SNX25: variants seen among roughly 807,000 people sequenced by gnomAD.
SNX25 encodes sorting nexin-25.
A neutral mutation model predicts 113.7 loss-of-function variants in SNX25; 62 were observed. That is an observed-to-expected ratio of 0.55 (90% CI 0.44 to 0.67). The LOEUF (loss-of-function observed/expected upper bound fraction) is 0.67. SNX25 is among the 30% of genes least tolerant of loss of function. SNX25 has a pLI of 0.00. For synonymous variants in SNX25, 421 were observed against 436.2 expected, an observed-to-expected ratio of 0.97 and a Z score of 0.43; for missense variants, 1,014 against 1,161.0, an observed-to-expected ratio of 0.87 and a Z score of 1.84.
At chr4:185,268,958 G>A (rs3112867) in intron 5 of SNX25, among the ~76,000 whole-genome samples, 64,477 of 151,968 alleles carry the variant, frequency 0.42, 13,833 homozygotes, top group East Asian at 0.57. Flanking sequence ...TATATCTGAT[G>A]TAATATCTGG....
chr4:185,259,764 G>A (rs936675526), intron 3 of SNX25, among the ~76,000 whole-genome samples: 2 of 151,880 alleles, frequency 1.3e-5, no homozygotes, highest in African/African-American at 4.9e-5. Flanking sequence ...ATATGGACAC[G>A]GTTGGAACAG....
At chr4:185,324,623 T>A (rs1176874564) in intron 9 of SNX25, among the ~76,000 whole-genome samples, 1 of 152,028 alleles carries the variant, frequency 6.6e-6, no homozygotes, top group African/African-American at 2.4e-5. Flanking sequence ...GGGGAGGGAT[T>A]TATCTTAGGG....
chr4:185,269,853 G>A (rs1644082022), intron 5 of SNX25, among the ~76,000 whole-genome samples: 1 of 152,090 alleles, frequency 6.6e-6, no homozygotes, highest in Non-Finnish European at 1.5e-5. Context: ...GGGACTACAG[G>A]CGAGCTCCTG....
At position 185,320,793 on chromosome 4, in the gene SNX25, A is replaced by G. The variant is rs757292955; in HGVS notation, c.1405A>G (p.Met469Val). The change falls in exon 8 of 19, where the codon ATG (methionine) becomes GTG (valine). Residue 469 changes from methionine to valine, a missense_variant. Physicochemically the swap from Met to Val is conservative, Grantham distance 21. Transcript: ENST00000652585. Reference protein sequence around the residue: ...TFYREHFGMYMERMDKRALIS... With the variant: ...TFYREHFGMYVERMDKRALIS... ...CTACCGAGAGCACTTTGGAATGTAC[A>G]TGGAAAGGATGGACAAAAGAGCTCT... 6.7e-5 allele frequency: 108 copies of G among 1,606,654 alleles called. No homozygotes were observed. The highest frequency in any genetic ancestry group is 8.2e-5 in the Non-Finnish European group (97 of 1,176,678).
Position 185,339,502 on chromosome 4 carries a change from A to C in SNX25, c.2038A>C (p.Ser680Arg). 6.2e-7 allele frequency: 1 copy of C among 1,611,520 alleles called. No individual in the cohort carries two copies. Among genetic ancestry groups the C allele is most frequent in the Non-Finnish European group, 8.5e-7 (1 of 1,178,998 alleles). The change falls in exon 11 of 19, where the codon AGT becomes CGT. Residue 680 changes from serine (S) to arginine (R), a missense_variant. Transcript: ENST00000652585. Reference protein sequence around the residue: ...NLGMWKASITSGEVTEENGEQ... With the variant: ...NLGMWKASITRGEVTEENGEQ... ...TGGCATGTGGAAAGCCTCCATCACCAGTGGAGAGGTAGTTTTGACTGCTTT... is the reference window on the plus strand; with the variant it reads ...TGGCATGTGGAAAGCCTCCATCACCCGTGGAGAGGTAGTTTTGACTGCTTT...
chr4:185,333,503 T>G (rs563148724), intron 10 of SNX25, among the ~76,000 whole-genome samples: 18 of 152,328 alleles, frequency 1.2e-4, no homozygotes, highest in Admixed American at 7.8e-4. Context: ...CAAATGCTTT[T>G]ATAGTAGGAG....
At chr4:185,218,285 A>G (rs955371836) in intron 1 of SNX25, among the ~76,000 whole-genome samples, 8 of 152,180 alleles carry the variant, frequency 5.3e-5, no homozygotes, top group African/African-American at 1.9e-4. Flanking sequence ...GGGTTTTGCC[A>G]TGTTGGCCAG....
At chr4:185,292,107 T>C (rs986989943) in intron 6 of SNX25, among the ~76,000 whole-genome samples, 1 of 152,136 alleles carries the variant, frequency 6.6e-6, no homozygotes, top group African/African-American at 2.4e-5. Context: ...CTTTTAAGAC[T>C]ATAATAGGGT....
intron 7 of SNX25, among the ~76,000 whole-genome samples, chr4:185,315,292 ATT>A (rs56655112): frequency 0.42 from 49,651 of 118,958 alleles, 9,134 homozygotes; most frequent in South Asian, 0.51. Flanking sequence ...TTCACTGGTG[ATT>A]TTTTTTTTTT....
chr4:185,223,066 T>C (rs756381456), intron 1 of SNX25, among the ~76,000 whole-genome samples: 12 of 152,136 alleles, frequency 7.9e-5, no homozygotes, highest in Admixed American at 5.2e-4. Flanking sequence ...AATAGATGTA[T>C]AGATGGATGA....
At chr4:185,265,883 T>G (rs538391338) in intron 4 of SNX25, among the ~76,000 whole-genome samples, 72 of 152,310 alleles carry the variant, frequency 4.7e-4, no homozygotes, top group African/African-American at 1.7e-3. Context: ...TGTCATATAG[T>G]CAGTCTGTTG....
intron 5 of SNX25, among the ~76,000 whole-genome samples, chr4:185,284,689 G>A (rs1319895939): frequency 1.3e-5 from 2 of 152,170 alleles, no homozygotes; most frequent in Non-Finnish European, 2.9e-5. Flanking sequence ...GTAAACAAGG[G>A]AGAGATGAGG....
At chr4:185,243,168 C>T (rs1157928819) in intron 1 of SNX25, among the ~76,000 whole-genome samples, 1 of 152,170 alleles carries the variant, frequency 6.6e-6, no homozygotes, top group Admixed American at 6.5e-5. Context: ...ACCCATCTCC[C>T]TTGCAATTTG....
chr4:185,208,367 T>A (rs1358597650), upstream of SNX25, among the ~76,000 whole-genome samples: 1 of 152,090 alleles, frequency 6.6e-6, no homozygotes, highest in Non-Finnish European at 1.5e-5. Flanking sequence ...ATTTTGATCA[T>A]CCCCTTGGCA....
intron 9 of SNX25, among the ~76,000 whole-genome samples, chr4:185,324,655 A>G (rs764542481): frequency 5.3e-4 from 80 of 151,858 alleles, no homozygotes; most frequent in Non-Finnish European, 7.4e-4. Flanking sequence ...CTAGTTGGAG[A>G]TGTCATTTGT....
intron 7 of SNX25, among the ~76,000 whole-genome samples, chr4:185,315,181 T>G (rs557656528): frequency 1.4e-3 from 204 of 150,738 alleles, no homozygotes; most frequent in African/African-American, 4.8e-3. Flanking sequence ...TGAGCCGAGA[T>G]TGTGCCACTG....
At chr4:185,239,279 C>A (rs13102672) in intron 1 of SNX25, among the ~76,000 whole-genome samples, 8 of 151,414 alleles carry the variant, frequency 5.3e-5, no homozygotes, top group Non-Finnish European at 1.2e-4. Flanking sequence ...GTCAGGAGAT[C>A]GAGACCATCC....
chr4:185,311,884 C>T (rs561212716), intron 7 of SNX25, among the ~76,000 whole-genome samples: 161 of 152,310 alleles, frequency 1.1e-3, no homozygotes, highest in African/African-American at 3.7e-3. Flanking sequence ...GGTGCAAATG[C>T]AGCTCCAAGG....
intron 5 of SNX25, among the ~76,000 whole-genome samples, chr4:185,284,170 A>G (rs1467478968): frequency 2.0e-5 from 3 of 152,206 alleles, no homozygotes; most frequent in Non-Finnish European, 4.4e-5. Flanking sequence ...TGAAAAAAGT[A>G]GCATATCTTT....
Sources: gnomAD v4.1 joint callset for allele counts (sites outside exome capture counted in the v4.1 genomes callset) on GRCh38, gnomAD v4.1.1 for gene constraint, MANE v1.5 for transcripts, NCBI Gene and HGNC (gene_info 2026-07-23, HGNC 2026-07-21) for gene names.